PDE4D: variants seen among roughly 807,000 people sequenced by gnomAD.
PDE4D encodes phosphodiesterase 4D.
A neutral mutation model predicts 87.4 loss-of-function variants in PDE4D; 24 were observed. That is an observed-to-expected ratio of 0.27 (90% CI 0.20 to 0.39). PDE4D has a LOEUF of 0.39. Among genes scored for constraint, PDE4D ranks in the 10% least tolerant of loss-of-function variants. The pLI is 1.00. For missense variants in PDE4D, 714 were observed against 1,041.0 expected, an observed-to-expected ratio of 0.69 and a Z score of 4.32; for synonymous variants, 384 against 383.2, an observed-to-expected ratio of 1.00 and a Z score of -0.02.
intron 5 of PDE4D, among the ~76,000 whole-genome samples, chr5:59,139,672 G>T (rs1043085516): frequency 1.3e-5 from 2 of 151,340 alleles, no homozygotes; most frequent in African/African-American, 2.4e-5. Context: ...TAGAGATGGG[G>T]TTTTGCCATG....
In PDE4D at chr5:59,788,650, G is replaced by A. The variant is rs1330241857; in HGVS notation, c.455+104518C>T. Among the ~76,000 whole-genome samples, 3 of 152,236 alleles carry A rather than the reference G, an allele frequency of 2.0e-5. No homozygotes were observed. The East Asian group carries it at 5.8e-4, about 29-fold the overall frequency. On this transcript the variant is annotated intron_variant, in intron 1 of 14. Coordinates refer to ENST00000340635, the MANE Select transcript of PDE4D (RefSeq NM_001104631.2). ...AGCTGCTGGTTCTGGTGGAAGAGCA[G>A]TGGTTCCAAGAAGGGGGATGTGTTC... is the stretch of plus-strand genomic sequence containing the variant.
At chr5:59,754,726 A>G (rs1444356546) in intron 1 of PDE4D, among the ~76,000 whole-genome samples, 2 of 147,774 alleles carry the variant, frequency 1.4e-5, no homozygotes, top group African/African-American at 5.0e-5. Flanking sequence ...TTTTTAAAAC[A>G]CCCATGTTTA....
At chr5:60,299,977 T>A (rs1426255186) in intron 1 of PDE4D, among the ~76,000 whole-genome samples, 2 of 152,230 alleles carry the variant, frequency 1.3e-5, no homozygotes, top group South Asian at 4.1e-4. Context: ...ATCGCCACAC[T>A]GTCTCCCAAA....
At chr5:60,306,105 A>G (rs1754477958) in intron 1 of PDE4D, among the ~76,000 whole-genome samples, 1 of 152,130 alleles carries the variant, frequency 6.6e-6, no homozygotes, top group Non-Finnish European at 1.5e-5. Flanking sequence ...AATTATATAA[A>G]CCACAAGAAT....
intron 1 of PDE4D, among the ~76,000 whole-genome samples, chr5:60,424,163 G>A (rs189747657): frequency 8.5e-5 from 13 of 152,298 alleles, no homozygotes; most frequent in Admixed American, 5.2e-4. Context: ...AAGAAAAAGA[G>A]GGAATCCTCC....
intron 1 of PDE4D, among the ~76,000 whole-genome samples, chr5:59,470,642 A>C (rs1424084521): frequency 6.6e-6 from 1 of 152,194 alleles, no homozygotes; most frequent in East Asian, 1.9e-4. Flanking sequence ...TTTTTATCTG[A>C]ATAATGTAAA....
At chr5:60,492,659 G>A (rs571089032), upstream of PDE4D, among the ~76,000 whole-genome samples, 46 of 152,090 alleles carry the variant, frequency 3.0e-4, no homozygotes, top group South Asian at 5.2e-3. Context: ...ACCAAACACC[G>A]CATGTTCTCA....
intron 1 of PDE4D, among the ~76,000 whole-genome samples, chr5:60,189,663 T>C (rs1368432255): frequency 6.6e-6 from 1 of 152,248 alleles, no homozygotes; most frequent in Non-Finnish European, 1.5e-5. Flanking sequence ...ATGTTTTATA[T>C]ATGTAAGAAG....
At chr5:59,807,665 G>C (rs73758892) in intron 1 of PDE4D, among the ~76,000 whole-genome samples, 1,808 of 152,310 alleles carry the variant, frequency 0.012, 41 homozygotes, top group African/African-American at 0.041. Flanking sequence ...AAAAAGGACA[G>C]ACCTTTAACA....
chr5:60,223,065 G>A (rs749961638), intron 1 of PDE4D, among the ~76,000 whole-genome samples: 1 of 151,910 alleles, frequency 6.6e-6, no homozygotes, highest in Non-Finnish European at 1.5e-5. Context: ...TTATTTACTG[G>A]GATCCTTCTT....
chr5:60,444,723 G>C (rs993215348), intron 1 of PDE4D, among the ~76,000 whole-genome samples: 5 of 151,908 alleles, frequency 3.3e-5, no homozygotes, highest in Admixed American at 1.3e-4. Flanking sequence ...TCCAGGAGGG[G>C]AAGGGTGGGG....
intron 1 of PDE4D, among the ~76,000 whole-genome samples, chr5:60,338,920 AC>A (rs368968688): frequency 5.3e-5 from 8 of 151,926 alleles, no homozygotes; most frequent in African/African-American, 1.9e-4. Flanking sequence ...ATGTTCCAGG[AC>A]CCCCAGTGTA....
At chr5:60,293,602 C>G (rs993407474) in intron 1 of PDE4D, among the ~76,000 whole-genome samples, 24 of 152,200 alleles carry the variant, frequency 1.6e-4, no homozygotes, top group African/African-American at 5.5e-4. Flanking sequence ...TCTCATCTCT[C>G]TGGTCAGTCT....
chr5:60,009,815 C>G (rs543326289), intron 2 of PDE4D, among the ~76,000 whole-genome samples: 9 of 152,170 alleles, frequency 5.9e-5, no homozygotes, highest in African/African-American at 1.9e-4. Flanking sequence ...GCTGATTTGT[C>G]TGCAGCTGAT....
At chr5:59,543,295 T>C (rs1358224336) in intron 1 of PDE4D, among the ~76,000 whole-genome samples, 1 of 152,182 alleles carries the variant, frequency 6.6e-6, no homozygotes, top group Non-Finnish European at 1.5e-5. Flanking sequence ...ACTTTAAGGA[T>C]ACTGAGGTTC....
intron 2 of PDE4D, among the ~76,000 whole-genome samples, chr5:59,999,352 G>T (rs1184326118): frequency 2.6e-5 from 4 of 151,946 alleles, no homozygotes; most frequent in Non-Finnish European, 5.9e-5. Flanking sequence ...TGGATGCCTG[G>T]GGTCTGCAGA....
intron 1 of PDE4D, among the ~76,000 whole-genome samples, chr5:59,841,278 T>C (rs1742959165): frequency 6.6e-6 from 1 of 152,088 alleles, no homozygotes; most frequent in Non-Finnish European, 1.5e-5. Flanking sequence ...GTAGTCATTT[T>C]GTGACCATTA....
At chr5:60,319,882 A>T (rs538526149) in intron 1 of PDE4D, among the ~76,000 whole-genome samples, 2 of 152,322 alleles carry the variant, frequency 1.3e-5, no homozygotes, top group African/African-American at 4.8e-5. Flanking sequence ...GTGAGGTGTC[A>T]GTCTGCCCCT....
At chr5:60,125,824 C>T (rs1260673089) in intron 2 of PDE4D, among the ~76,000 whole-genome samples, 1 of 152,270 alleles carries the variant, frequency 6.6e-6, no homozygotes, top group East Asian at 1.9e-4. Context: ...CTTATCTTGG[C>T]TCTCTGCCAA....
Sources: allele counts gnomAD v4.1 joint callset (sites outside exome capture counted in the v4.1 genomes callset), GRCh38; gene constraint gnomAD v4.1.1; transcripts MANE v1.5; gene names NCBI Gene and HGNC (gene_info 2026-07-23, HGNC 2026-07-21).